Variants in SUGCT observed in about 807,000 individuals in gnomAD.
The protein encoded by SUGCT is succinyl-CoA:glutarate CoA-transferase.
Under a neutral mutation model 55.0 loss-of-function variants are expected in SUGCT, and 41 were observed. The observed-to-expected ratio is 0.74, with a 90% CI of 0.58 to 0.97. The LOEUF (loss-of-function observed/expected upper bound fraction) is 0.97. Ranked by LOEUF, SUGCT falls within the 50% of genes least tolerant of loss-of-function variation. SUGCT has a pLI of 0.00. For missense variants in SUGCT, 568 were observed against 547.8 expected (o/e 1.04, Z -0.37); for synonymous variants, 187 against 200.4 (o/e 0.93, Z 0.56).
At chr7:40,642,860 T>G (rs1000845558) in intron 12 of SUGCT, among the ~76,000 whole-genome samples, 4 of 152,108 alleles carry the variant, frequency 2.6e-5, no homozygotes. Context: ...AGGGTTATAG[T>G]GAGGGCAATA....
chr7:40,930,915 C>G, the SUGCT span, among the ~76,000 whole-genome samples: 1 of 152,166 alleles, frequency 6.6e-6, no homozygotes, highest in Admixed American at 6.5e-5. Context: ...CACTTTATTT[C>G]TTTCTCTTGC....
At chr7:40,897,532 T>A in the SUGCT span, among the ~76,000 whole-genome samples, 1 of 151,730 alleles carries the variant, frequency 6.6e-6, no homozygotes, top group African/African-American at 2.4e-5. Context: ...CATTCAGGGA[T>A]AGGATCCAAG....
intron 13 of SUGCT, among the ~76,000 whole-genome samples, chr7:40,772,123 T>A (rs1306090393): frequency 6.6e-6 from 1 of 152,160 alleles, no homozygotes; most frequent in Non-Finnish European, 1.5e-5. Flanking sequence ...TCCTCCATCC[T>A]CAGCAGGATG....
At chr7:40,954,834 C>A in the SUGCT span, among the ~76,000 whole-genome samples, 3 of 152,092 alleles carry the variant, frequency 2.0e-5, no homozygotes, top group African/African-American at 7.2e-5. Flanking sequence ...AGGAAGGGGT[C>A]CATTTTCAGT....
At chr7:40,752,222 G>A (rs1349574382) in intron 13 of SUGCT, among the ~76,000 whole-genome samples, 1 of 152,122 alleles carries the variant, frequency 6.6e-6, no homozygotes, top group African/African-American at 2.4e-5. Flanking sequence ...TAATCCGTGT[G>A]TCTCTCCTAC....
chr7:40,338,641 C>T (rs546201477), intron 9 of SUGCT, among the ~76,000 whole-genome samples: 1 of 152,112 alleles, frequency 6.6e-6, no homozygotes, highest in African/African-American at 2.4e-5. Flanking sequence ...TTCTAGTTAG[C>T]CATTCGTCTT....
At chr7:40,225,417 G>C (rs1206264737) in intron 6 of SUGCT, among the ~76,000 whole-genome samples, 1 of 151,204 alleles carries the variant, frequency 6.6e-6, no homozygotes, top group African/African-American at 2.4e-5. Context: ...CAGATTTTTG[G>C]TCTTTGAATA....
intron 12 of SUGCT, among the ~76,000 whole-genome samples, chr7:40,705,397 G>A (rs952413323): frequency 6.6e-6 from 1 of 152,238 alleles, no homozygotes; most frequent in Admixed American, 6.5e-5. Context: ...TTACCACAAA[G>A]ATCTTTATGC....
At chr7:40,781,625 T>G (rs1789755744) in intron 13 of SUGCT, among the ~76,000 whole-genome samples, 1 of 152,178 alleles carries the variant, frequency 6.6e-6, no homozygotes, top group Non-Finnish European at 1.5e-5. Flanking sequence ...GAATAAATGT[T>G]TTCTGAGAAT....
chr7:40,378,062 G>A (rs1361343829), intron 9 of SUGCT, among the ~76,000 whole-genome samples: 1 of 152,098 alleles, frequency 6.6e-6, no homozygotes, highest in Non-Finnish European at 1.5e-5. Flanking sequence ...TTAGGTGTTT[G>A]TGTAGTATGG....
At chr7:41,036,361 T>C in the SUGCT span, among the ~76,000 whole-genome samples, 1 of 152,194 alleles carries the variant, frequency 6.6e-6, no homozygotes, top group African/African-American at 2.4e-5. Flanking sequence ...AAGCATAATA[T>C]TAAAGAGCAT....
chr7:40,365,956 G>A (rs922637128), intron 9 of SUGCT, among the ~76,000 whole-genome samples: 2 of 152,164 alleles, frequency 1.3e-5, no homozygotes, highest in African/African-American at 4.8e-5. Context: ...ACATCGCCAA[G>A]TCAATCCTAA....
chr7:40,926,163 T>C, the SUGCT span, among the ~76,000 whole-genome samples: 1 of 152,010 alleles, frequency 6.6e-6, no homozygotes, highest in African/African-American at 2.4e-5. Context: ...TGATGCTGAG[T>C]AAATACTACC....
chr7:40,154,731 A>G (rs1783796822), intron 1 of SUGCT, among the ~76,000 whole-genome samples: 1 of 152,174 alleles, frequency 6.6e-6, no homozygotes, highest in Non-Finnish European at 1.5e-5. Flanking sequence ...GCCACATTTC[A>G]TTGCCTGCGT....
the SUGCT span, among the ~76,000 whole-genome samples, chr7:40,973,291 G>T: frequency 6.6e-6 from 1 of 152,012 alleles, no homozygotes; most frequent in Admixed American, 6.6e-5. Context: ...AAGGCATTCT[G>T]AAAAAACAAA....
intron 12 of SUGCT, among the ~76,000 whole-genome samples, chr7:40,635,271 G>A (rs1266561337): frequency 6.6e-6 from 1 of 151,696 alleles, no homozygotes; most frequent in Non-Finnish European, 1.5e-5. Context: ...GGGTGACAGA[G>A]CAAGACTCTG....
At chr7:40,314,559 C>CTTTTTTTTTTTTT (rs1292941632) in intron 8 of SUGCT, among the ~76,000 whole-genome samples, 7 of 108,720 alleles carry the variant, frequency 6.4e-5, no homozygotes, top group Non-Finnish European at 9.0e-5. Context: ...TCCCTTGTGT[C>CTTTTTTTTTTTTT]TTTTTTTTTT....
intron 12 of SUGCT, among the ~76,000 whole-genome samples, chr7:40,619,437 T>A (rs1316615142): frequency 2.0e-5 from 3 of 152,244 alleles, no homozygotes; most frequent in Non-Finnish European, 1.5e-5. Flanking sequence ...CTATTAATTT[T>A]GTTTTTTTCC....
chr7:40,398,059 G>C (rs1263921541), intron 9 of SUGCT, among the ~76,000 whole-genome samples: 2 of 152,116 alleles, frequency 1.3e-5, no homozygotes, highest in East Asian at 3.9e-4. Flanking sequence ...GGGGGTCAGA[G>C]GGTTGAATAT....
Sources: gnomAD v4.1 joint callset for allele counts (sites outside exome capture counted in the v4.1 genomes callset) on GRCh38, gnomAD v4.1.1 for gene constraint, MANE v1.5 for transcripts, NCBI Gene and HGNC (gene_info 2026-07-23, HGNC 2026-07-21) for gene names.